CPA6: variants seen among roughly 807,000 people sequenced by gnomAD.
CPA6 encodes carboxypeptidase B.
A neutral mutation model predicts 63.3 loss-of-function variants in CPA6; 58 were observed. The observed-to-expected ratio is 0.92, with a 90% CI of 0.74 to 1.14. The LOEUF (loss-of-function observed/expected upper bound fraction) is 1.14. Among genes scored for constraint, CPA6 ranks in the 50% most tolerant of loss-of-function variants. The pLI is 0.00. For synonymous variants in CPA6, 185 were observed against 179.0 expected (o/e 1.03, Z -0.27); for missense variants, 565 against 526.6 (o/e 1.07, Z -0.71).
At chr8:67,712,393 C>T (rs553670787) in intron 1 of CPA6, among the ~76,000 whole-genome samples, 1 of 152,136 alleles carries the variant, frequency 6.6e-6, no homozygotes, top group African/African-American at 2.4e-5. Context: ...TCACATGAAT[C>T]AGCACAGCTT....
intron 1 of CPA6, among the ~76,000 whole-genome samples, chr8:67,672,346 C>A (rs1033236693): frequency 6.6e-6 from 1 of 152,084 alleles, no homozygotes; most frequent in Non-Finnish European, 1.5e-5. Context: ...TCTTCCAATG[C>A]GTACAAACTT....
At chr8:67,670,794 G>A (rs921854043) in intron 1 of CPA6, among the ~76,000 whole-genome samples, 1 of 152,204 alleles carries the variant, frequency 6.6e-6, no homozygotes, top group African/African-American at 2.4e-5. Flanking sequence ...TATGTGAAAT[G>A]CTTTGCGGGC....
At chr8:67,431,934 A>C (rs1810036868) in intron 9 of CPA6, among the ~76,000 whole-genome samples, 1 of 152,222 alleles carries the variant, frequency 6.6e-6, no homozygotes, top group Non-Finnish European at 1.5e-5. Flanking sequence ...TTTGGAGTTT[A>C]AGGTGTAGGG....
intron 1 of CPA6, among the ~76,000 whole-genome samples, chr8:67,640,658 C>T (rs1307881277): frequency 6.6e-6 from 1 of 151,330 alleles, no homozygotes; most frequent in South Asian, 2.1e-4. Flanking sequence ...TCAGCCTCAG[C>T]TTGGGAAGCT....
At chr8:67,447,091 C>CAT (rs1308785845) in intron 8 of CPA6, among the ~76,000 whole-genome samples, 1 of 151,470 alleles carries the variant, frequency 6.6e-6, no homozygotes, top group Non-Finnish European at 1.5e-5. Flanking sequence ...TATATATACA[C>CAT]ACATATATAT....
chr8:67,615,404 C>T (rs946194084), intron 2 of CPA6, among the ~76,000 whole-genome samples: 4 of 152,046 alleles, frequency 2.6e-5, no homozygotes, highest in African/African-American at 4.8e-5. Context: ...ATGTTAATGT[C>T]CTTTAAAAGT....
At chr8:67,611,766 C>G (rs185107707) in intron 2 of CPA6, among the ~76,000 whole-genome samples, 1 of 152,338 alleles carries the variant, frequency 6.6e-6, no homozygotes, top group African/African-American at 2.4e-5. Context: ...GTGACACTTA[C>G]TCTCTGGCAA....
At chr8:67,614,681 T>C (rs1344192572) in intron 2 of CPA6, among the ~76,000 whole-genome samples, 2 of 152,216 alleles carry the variant, frequency 1.3e-5, no homozygotes, top group African/African-American at 2.4e-5. Context: ...AACATGTTCA[T>C]GTACTATGCC....
intron 8 of CPA6, among the ~76,000 whole-genome samples, chr8:67,451,181 T>C (rs1336017071): frequency 2.0e-5 from 3 of 152,188 alleles, no homozygotes; most frequent in African/African-American, 7.2e-5. Context: ...TACCAGTCCA[T>C]GGCTTACTAG....
intron 2 of CPA6, among the ~76,000 whole-genome samples, chr8:67,566,175 C>T (rs561047604): frequency 6.6e-6 from 1 of 152,282 alleles, no homozygotes; most frequent in South Asian, 2.1e-4. Context: ...ATTGTCGTTT[C>T]AATAGTATTA....
At chr8:67,432,692 G>A (rs1182461376) in intron 9 of CPA6, among the ~76,000 whole-genome samples, 1 of 152,118 alleles carries the variant, frequency 6.6e-6, no homozygotes, top group African/African-American at 2.4e-5. Flanking sequence ...TCAAATGTCT[G>A]GACTCAAATG....
intron 9 of CPA6, 67 bp downstream of exon 9, chr8:67,433,971 T>C: frequency 1.8e-6 from 2 of 1,105,336 alleles, no homozygotes; most frequent in African/African-American, 1.5e-5. Context: ...CATTAGTACT[T>C]AGAACCATCT....
chr8:67,714,026 AT>A (rs541551737), intron 1 of CPA6, among the ~76,000 whole-genome samples: 33 of 151,046 alleles, frequency 2.2e-4, no homozygotes, highest in Non-Finnish European at 3.0e-4. Context: ...CCATGTTAAA[AT>A]TTTTTTTTTA....
intron 1 of CPA6, among the ~76,000 whole-genome samples, chr8:67,674,677 A>G (rs999323022): frequency 5.9e-5 from 9 of 152,148 alleles, no homozygotes; most frequent in African/African-American, 2.2e-4. Flanking sequence ...CTGGGCATAT[A>G]CCTAAAGGAA....
chr8:67,575,207 A>T (rs562804519), intron 2 of CPA6, among the ~76,000 whole-genome samples: 2 of 152,344 alleles, frequency 1.3e-5, no homozygotes, highest in East Asian at 3.9e-4. Context: ...ACCTGATAGG[A>T]TGGCTATTAC....
chr8:67,615,294 G>C (rs1814916337), intron 2 of CPA6, among the ~76,000 whole-genome samples: 2 of 152,154 alleles, frequency 1.3e-5, no homozygotes, highest in South Asian at 4.1e-4. Flanking sequence ...TGGCACCAAA[G>C]TATGGTTTAT....
chr8:67,562,009 G>A (rs577842584), intron 2 of CPA6, among the ~76,000 whole-genome samples: 6 of 152,300 alleles, frequency 3.9e-5, no homozygotes, highest in African/African-American at 1.4e-4. Context: ...GGAATGGAAG[G>A]ACGTGAGCCC....
Position 67,520,639 on chromosome 8 carries a change from G to C in CPA6, c.193-2592C>G, listed in dbSNP as rs148708506. Among the ~76,000 whole-genome samples, 1,258 of 152,258 alleles carry C rather than the reference G, an allele frequency of 8.3e-3. 18 individuals carry two copies. The highest frequency in any genetic ancestry group is 0.029 in the African/African-American group (1,206 of 41,520). ...TTTATAATGTTTCATCTACTTTATA[G>C]ATATCTTTAATCTTTTCAATAACAC... is the stretch of plus-strand genomic sequence containing the variant. On this transcript the variant is annotated intron_variant, in intron 2 of 10. Coordinates refer to ENST00000297770, the MANE Select transcript of CPA6 (RefSeq NM_020361.5).
At chr8:67,478,398 G>A (rs903123114) in intron 8 of CPA6, among the ~76,000 whole-genome samples, 1 of 152,196 alleles carries the variant, frequency 6.6e-6, no homozygotes, top group Admixed American at 6.5e-5. Flanking sequence ...CGAATTGAAA[G>A]AGGGGGTCTT....
Sources: allele counts gnomAD v4.1 joint callset (sites outside exome capture counted in the v4.1 genomes callset), GRCh38; gene constraint gnomAD v4.1.1; transcripts MANE v1.5; gene names NCBI Gene and HGNC (gene_info 2026-07-23, HGNC 2026-07-21).